Variants in MAP4K5 observed in about 807,000 individuals in gnomAD.
MAP4K5 encodes the protein MAPK/ERK kinase kinase kinase 5.
Under a neutral mutation model 135.6 loss-of-function variants are expected in MAP4K5, and 82 were observed. That is an observed-to-expected ratio of 0.60 (90% CI 0.51 to 0.73). The LOEUF (loss-of-function observed/expected upper bound fraction) is 0.73, where lower values mean the gene tolerates loss of function less well. Ranked by LOEUF, MAP4K5 falls within the 30% of genes least tolerant of loss-of-function variation. The pLI is 0.00. For synonymous variants in MAP4K5, 347 were observed against 335.0 expected (o/e 1.04, Z -0.39); for missense variants, 907 against 1,010.9 (o/e 0.90, Z 1.39).
At chr14:50,476,035 CATA>C in intron 8 of MAP4K5, 90 bp downstream of exon 8, 1 of 660,954 alleles carries the variant, frequency 1.5e-6, no homozygotes, top group Non-Finnish European at 2.5e-6. Flanking sequence ...ATGAAATCTG[CATA>C]ATGTTAATTC....
chr14:50,454,087 C>T (rs1595457715), intron 14 of MAP4K5, among the ~76,000 whole-genome samples: 2 of 152,262 alleles, frequency 1.3e-5, no homozygotes, highest in East Asian at 3.9e-4. Context: ...TGGAATACTA[C>T]AGTGTAGTGA....
chr14:50,438,999 G>A (rs554563263), intron 23 of MAP4K5, among the ~76,000 whole-genome samples: 5 of 151,832 alleles, frequency 3.3e-5, no homozygotes, highest in African/African-American at 1.2e-4. Context: ...AAACAGAATT[G>A]GCTTTATTTT....
At chr14:50,553,667 C>T (rs1255982327) in intron 1 of MAP4K5, among the ~76,000 whole-genome samples, 1 of 152,152 alleles carries the variant, frequency 6.6e-6, no homozygotes, top group East Asian at 1.9e-4. Context: ...TTTGTAGCAG[C>T]ACAATTCACA....
intron 2 of MAP4K5, among the ~76,000 whole-genome samples, chr14:50,516,698 A>G (rs1387639013): frequency 6.6e-6 from 1 of 152,186 alleles, no homozygotes; most frequent in Non-Finnish European, 1.5e-5. Context: ...TGGTGGTCTA[A>G]TACATTCATT....
chr14:50,426,276 GT>G (rs1566631594), intron 30 of MAP4K5, among the ~76,000 whole-genome samples: 2 of 152,038 alleles, frequency 1.3e-5, no homozygotes, highest in African/African-American at 4.8e-5. Flanking sequence ...AAGATACAGT[GT>G]ATCTTTTGTC....
At chr14:50,544,936 CAAAAAAAAAAA>C (rs35420627) in intron 1 of MAP4K5, among the ~76,000 whole-genome samples, 2 of 58,448 alleles carry the variant, frequency 3.4e-5, no homozygotes, top group Non-Finnish European at 3.2e-5. Flanking sequence ...GACCCACTCT[CAAAAAAAAAAA>C]AAAAAAAAAA....
chr14:50,438,212 G>C, intron 23 of MAP4K5, 118 bp from the exon 24 acceptor site: 2 of 550,926 alleles, frequency 3.6e-6, no homozygotes, highest in Admixed American at 3.1e-5. Context: ...TAAATTAACA[G>C]ATAATTTTAA....
In MAP4K5 at chr14:50,473,727, T is replaced by TC. The variant is rs1158640846; in HGVS notation, c.542+1349_542+1350insG. ...CTCTTTTGGTTTCACTTTTTTTTTT[T>TC]TTTTTTTTTTTTTTGAGACGGAGTC... On this transcript the variant is annotated intron_variant, in intron 9 of 32. Coordinates refer to ENST00000682126, the MANE Select transcript of MAP4K5 (RefSeq NM_006575.6). 4.9e-5 allele frequency among the ~76,000 whole-genome samples: 7 copies of TC among 142,156 alleles called. No homozygotes were observed. The East Asian group carries it at 1.0e-3, about 21-fold the overall frequency. 93.3% of individuals were successfully genotyped at this position (142,156 alleles called of 152,430 possible).
intron 15 of MAP4K5, 127 bp downstream of exon 15, chr14:50,448,647 G>C (rs960419218): frequency 1.8e-6 from 1 of 564,356 alleles, no homozygotes; most frequent in Non-Finnish European, 3.0e-6. Context: ...CTTTAATACG[G>C]GAAAAATTGT....
At chr14:50,504,738 G>T (rs78223093) in intron 3 of MAP4K5, 62 bp downstream of exon 3, 1 of 1,187,974 alleles carries the variant, frequency 8.4e-7, no homozygotes, top group African/African-American at 1.6e-5. Flanking sequence ...CTGGGAAGAA[G>T]GGAAACAAGG....
At chr14:50,494,753 C>T (rs980965225) in intron 3 of MAP4K5, among the ~76,000 whole-genome samples, 13 of 151,974 alleles carry the variant, frequency 8.6e-5, no homozygotes, top group Non-Finnish European at 1.5e-4. Context: ...GGAATAGAAC[C>T]GACAGCCCAG....
intron 1 of MAP4K5, among the ~76,000 whole-genome samples, chr14:50,555,693 T>C (rs1363460981): frequency 2.0e-5 from 3 of 152,248 alleles, no homozygotes; most frequent in African/African-American, 4.8e-5. Flanking sequence ...GTAATTTTTA[T>C]AGTAGCCAAA....
chr14:50,478,019 T>C (rs2037142210), intron 6 of MAP4K5, among the ~76,000 whole-genome samples: 1 of 152,188 alleles, frequency 6.6e-6, no homozygotes, highest in Non-Finnish European at 1.5e-5. Context: ...GATAGGTATA[T>C]ATAGGATTGG....
chr14:50,541,381 T>G (rs2038558010), intron 2 of MAP4K5, among the ~76,000 whole-genome samples: 2 of 152,214 alleles, frequency 1.3e-5, no homozygotes, highest in Non-Finnish European at 2.9e-5. Context: ...GAACGAGAGA[T>G]AAACCCAGTT....
chr14:50,526,567 A>AT (rs2038269910), intron 2 of MAP4K5, among the ~76,000 whole-genome samples: 1 of 152,198 alleles, frequency 6.6e-6, no homozygotes, highest in African/African-American at 2.4e-5. Context: ...AAGTGCTAGG[A>AT]TTACAGGCGT....
At chr14:50,453,765 T>C (rs1305155619) in intron 14 of MAP4K5, among the ~76,000 whole-genome samples, 1 of 152,122 alleles carries the variant, frequency 6.6e-6, no homozygotes, top group Non-Finnish European at 1.5e-5. Flanking sequence ...TAAGTCATCA[T>C]TTAAAATTCA....
chr14:50,421,303 G>C (rs892042545), intron 32 of MAP4K5, among the ~76,000 whole-genome samples: 1 of 151,658 alleles, frequency 6.6e-6, no homozygotes. Context: ...TTGTCGCCCA[G>C]GCTGGAGTGC....
chr14:50,531,989 CGTA>C lies in MAP4K5; in HGVS notation c.58_60del (p.Tyr20del). The C allele has an allele frequency of 6.2e-7, 1 of 1,603,636 alleles. No individual in the cohort carries two copies. The highest frequency in any genetic ancestry group is 8.5e-7 in the Non-Finnish European group (1 of 1,175,376). On this transcript the variant is annotated inframe_deletion, in exon 2 of 33. Coordinates refer to ENST00000682126, the MANE Select transcript of MAP4K5 (RefSeq NM_006575.6). ...CCGCTGCCGACCCTCTGGACGAGTT[CGTA>C]GTCCTGCTGCGGGTTCCGCCTCAGG...
chr14:50,535,870 A>G (rs185408710), upstream of MAP4K5, among the ~76,000 whole-genome samples: 56 of 152,262 alleles, frequency 3.7e-4, no homozygotes, highest in East Asian at 0.011. Flanking sequence ...GGGACCAGGT[A>G]GGAGGTAATG....
Sources: gnomAD v4.1 joint callset for allele counts (sites outside exome capture counted in the v4.1 genomes callset) on GRCh38, gnomAD v4.1.1 for gene constraint, MANE v1.5 for transcripts, NCBI Gene and HGNC (gene_info 2026-07-23, HGNC 2026-07-21) for gene names.